Variants in LSS observed in about 807,000 individuals in gnomAD.
LSS encodes the protein lanosterol synthase, also known as 2,3-epoxysqualene-lanosterol cyclase.
Under a neutral mutation model 110.3 loss-of-function variants are expected in LSS, and 90 were observed. The observed-to-expected ratio is 0.82, with a 90% CI of 0.69 to 0.97. The LOEUF (loss-of-function observed/expected upper bound fraction) is 0.97, where lower values mean the gene tolerates loss of function less well. Ranked by LOEUF, LSS falls within the 50% of genes least tolerant of loss-of-function variation. LSS has a pLI of 0.00. For missense variants in LSS, 927 were observed against 990.0 expected, an observed-to-expected ratio of 0.94 and a Z score of 0.85; for synonymous variants, 433 against 400.0, an observed-to-expected ratio of 1.08 and a Z score of -0.98.
chr21:46,227,837 T>G (rs1466837014), intron 2 of LSS, 147 bp from the exon 3 acceptor site: 1 of 906,996 alleles, frequency 1.1e-6, no homozygotes, highest in African/African-American at 1.7e-5. Context: ...AGTCTGAAAC[T>G]CTTTGATGAG....
chr21:46,210,355 C>T (rs895288112), intron 12 of LSS, among the ~76,000 whole-genome samples: 9 of 152,066 alleles, frequency 5.9e-5, no homozygotes, highest in Admixed American at 2.6e-4. Context: ...TGTGAGCCAC[C>T]GTGCCTGGCC....
chr21:46,228,548 G>A lies in LSS; in HGVS notation c.66C>T (p.Leu22=), dbSNP rs970174170. The change falls in exon 2 of 22, where the codon CTC becomes CTT. Residue 22 remains leucine (L), a synonymous_variant. Coordinates refer to ENST00000397728, the MANE Select transcript of LSS (RefSeq NM_002340.6). ...GPYKTEPATD[L]GRWRLNCERG... is the part of the protein sequence containing the mutation. Reference sequence around the variant, plus strand: ...TCTCGCAGTTGAGTCGCCAGCGGCCGAGGTCGGTGGCGGGCTCGGTCTTGT... The same window carrying A: ...TCTCGCAGTTGAGTCGCCAGCGGCCAAGGTCGGTGGCGGGCTCGGTCTTGT... 1.9e-6 allele frequency: 3 copies of A among 1,597,500 alleles called. No individual in the cohort carries two copies. The highest frequency in any genetic ancestry group is 1.7e-4 in the Middle Eastern group (1 of 6,038).
At chr21:46,228,185 CTCCTA>C (rs2080377916) in intron 2 of LSS, among the ~76,000 whole-genome samples, 1 of 152,242 alleles carries the variant, frequency 6.6e-6, no homozygotes, top group Non-Finnish European at 1.5e-5. Context: ...CTTTGCAACT[CTCCTA>C]TAAGTCAAAA....
At chr21:46,192,724 A>T (rs1048606161) in intron 20 of LSS, 3 of 454,314 alleles carry the variant, frequency 6.6e-6, no homozygotes, top group Non-Finnish European at 1.3e-5. Flanking sequence ...TGTGTGTGGC[A>T]CAGATGGGAT....
At chr21:46,223,728 G>A (rs1018482944) in intron 3 of LSS, among the ~76,000 whole-genome samples, 2 of 152,212 alleles carry the variant, frequency 1.3e-5, no homozygotes, top group Non-Finnish European at 2.9e-5. Flanking sequence ...AGAGATAGGA[G>A]CTGAGGGGAC....
At chr21:46,200,652 G>C (rs1426986486) in intron 17 of LSS, among the ~76,000 whole-genome samples, 1 of 151,980 alleles carries the variant, frequency 6.6e-6, no homozygotes, top group Non-Finnish European at 1.5e-5. Context: ...GAAAGATTAA[G>C]GAATTATTCC....
In LSS at chr21:46,215,674, G is replaced by C. The variant is rs1006779024; in HGVS notation, c.892+11C>G. 22 of 1,590,362 alleles carry C rather than the reference G, an allele frequency of 1.4e-5. No individual in the cohort carries two copies. Among genetic ancestry groups the C allele is most frequent in the Non-Finnish European group, 1.5e-5 (18 of 1,163,482 alleles). ...CTGGGCTGCCCTGCCGGCCCCTCAG[G>C]AGGCGCTCACCATATACCACGCGGA... On this transcript the variant is annotated intron_variant, in intron 8 of 21. Transcript: ENST00000397728.
In LSS at chr21:46,188,789, A is replaced by T. The variant is rs1187347302; in HGVS notation, c.*2315T>A. ...CCTGTGTAATAACACCGAAGAGGGC[A>T]GGGAATCGCTGCGTCCTGTGACTTG... is the stretch of plus-strand genomic sequence containing the variant. On this transcript the variant is annotated 3_prime_UTR_variant, in exon 22 of 22. Transcript: ENST00000397728. 2.1e-6 allele frequency: 1 copy of T among 471,230 alleles called. No homozygotes were observed. The highest frequency in any genetic ancestry group is 4.4e-6 in the Non-Finnish European group (1 of 227,070). 29.2% of individuals were successfully genotyped at this position (471,230 alleles called of 1,614,324 possible).
chr21:46,219,241 G>A (rs984572743), intron 6 of LSS, among the ~76,000 whole-genome samples: 11 of 152,234 alleles, frequency 7.2e-5, no homozygotes, highest in East Asian at 1.9e-4. Context: ...AGCCTGACTC[G>A]GGGTACCTCC....
chr21:46,222,344 G>A (rs1009106783), intron 4 of LSS: 1 of 538,498 alleles, frequency 1.9e-6, no homozygotes, highest in Non-Finnish European at 3.3e-6. Context: ...AGAGTCAAGG[G>A]CAATTTTCTT....
intron 17 of LSS, among the ~76,000 whole-genome samples, chr21:46,203,724 C>A (rs183151098): frequency 9.2e-5 from 14 of 152,306 alleles, no homozygotes; most frequent in African/African-American, 2.9e-4. Context: ...CTGTGAAGCA[C>A]AAGAAAACCC....
intron 17 of LSS, among the ~76,000 whole-genome samples, chr21:46,197,932 T>C (rs1426417218): frequency 6.6e-6 from 1 of 151,516 alleles, no homozygotes; most frequent in African/African-American, 2.4e-5. Flanking sequence ...CTGAATACTG[T>C]CTTAAATATA....
Position 46,207,625 on chromosome 21 carries a change from G to A in LSS, c.1318-48C>T. On this transcript the variant is annotated intron_variant, in intron 14 of 21. Coordinates refer to ENST00000397728, the MANE Select transcript of LSS (RefSeq NM_002340.6). ...CCAGGCTGGGGGTGTCCACACCCCA[G>A]TTCTCAGAACCTCCCCACAGCCGCA... The A allele has an allele frequency of 1.9e-6, 3 of 1,581,308 alleles. No homozygotes were observed. The African/African-American group carries it at 4.0e-5, about 21-fold the overall frequency.
intron 14 of LSS, 88 bp downstream of exon 14, chr21:46,208,163 G>A (rs943938770): frequency 2.3e-6 from 3 of 1,284,048 alleles, no homozygotes; most frequent in Admixed American, 2.0e-5. Context: ...CCCCAGGGAG[G>A]AGCCCCCCCT....
chr21:46,224,599 G>A (rs2080314914), intron 3 of LSS: 1 of 152,140 alleles, frequency 6.6e-6, no homozygotes, highest in Admixed American at 6.5e-5. Flanking sequence ...ATGTTGTTAG[G>A]ACGGGGAAAT....
At chr21:46,192,991 T>C (rs940773397) in intron 20 of LSS, 1 of 435,960 alleles carries the variant, frequency 2.3e-6, no homozygotes, top group Admixed American at 2.4e-5. Context: ...TCTGCATGTG[T>C]GTACACAGGT....
intron 17 of LSS, among the ~76,000 whole-genome samples, chr21:46,196,936 G>A (rs55870069): frequency 0.081 from 12,406 of 152,304 alleles, 596 homozygotes; most frequent in African/African-American, 0.11. Flanking sequence ...GAATGGGATC[G>A]TGCCGAGGAC....
At chr21:46,215,043 C>G (rs1371503984) in intron 9 of LSS, 137 bp downstream of exon 9, 1 of 728,816 alleles carries the variant, frequency 1.4e-6, no homozygotes, top group South Asian at 1.6e-5. Flanking sequence ...CTTGTGCGAT[C>G]AGAGGGCCAC....
intron 17 of LSS, among the ~76,000 whole-genome samples, chr21:46,201,585 G>A (rs1006703683): frequency 2.6e-5 from 4 of 152,144 alleles, no homozygotes; most frequent in Middle Eastern, 3.4e-3. Flanking sequence ...GGGAGGACAG[G>A]TCATGAAGCC....
Sources: allele counts gnomAD v4.1 joint callset (sites outside exome capture counted in the v4.1 genomes callset), GRCh38; gene constraint gnomAD v4.1.1; transcripts MANE v1.5; gene names NCBI Gene and HGNC (gene_info 2026-07-23, HGNC 2026-07-21).